The following NAV2 variants were observed in gnomAD, a reference collection of about 807,000 sequenced individuals.
NAV2 encodes the protein neuron navigator 2.
A neutral mutation model predicts 223.2 loss-of-function variants in NAV2; 54 were observed. The ratio of observed to expected loss-of-function variants is 0.24; its 90% CI spans 0.19 to 0.30. The LOEUF (loss-of-function observed/expected upper bound fraction) is 0.30, where lower values mean the gene tolerates loss of function less well. NAV2 is among the 10% of genes least tolerant of loss of function. NAV2 has a pLI of 1.00. For missense variants in NAV2, 2,806 were observed against 3,147.5 expected, an observed-to-expected ratio of 0.89 and a Z score of 2.60; for synonymous variants, 1,279 against 1,239.3, an observed-to-expected ratio of 1.03 and a Z score of -0.67.
chr11:19,929,611 A>T (rs1480258348), intron 6 of NAV2, among the ~76,000 whole-genome samples: 1 of 152,174 alleles, frequency 6.6e-6, no homozygotes, highest in African/African-American at 2.4e-5. Context: ...CCCAGACTAA[A>T]TACTACATAG....
chr11:19,577,371 C>T (rs2045599150), intron 1 of NAV2, among the ~76,000 whole-genome samples: 1 of 152,238 alleles, frequency 6.6e-6, no homozygotes, highest in South Asian at 2.1e-4. Flanking sequence ...TGCCCCTTCA[C>T]TTTTCTAAGG....
At chr11:19,492,078 A>C (rs974462851) in intron 1 of NAV2, among the ~76,000 whole-genome samples, 1 of 152,204 alleles carries the variant, frequency 6.6e-6, no homozygotes, top group Non-Finnish European at 1.5e-5. Flanking sequence ...TCTTGGGCAC[A>C]GTTTGTGGTA....
intron 10 of NAV2, among the ~76,000 whole-genome samples, chr11:19,971,441 A>C (rs1006687932): frequency 4.6e-5 from 7 of 152,230 alleles, no homozygotes; most frequent in Non-Finnish European, 8.8e-5. Flanking sequence ...GGGTATAAAA[A>C]AGCCTTTTTA....
chr11:19,717,197 C>A (rs1036242841), intron 1 of NAV2, among the ~76,000 whole-genome samples: 1 of 152,228 alleles, frequency 6.6e-6, no homozygotes, highest in Non-Finnish European at 1.5e-5. Context: ...TTGAGGCCTG[C>A]GGTCTTCCCA....
At chr11:20,036,601 G>A (rs1320648458) in intron 12 of NAV2, among the ~76,000 whole-genome samples, 5 of 152,152 alleles carry the variant, frequency 3.3e-5, no homozygotes, top group Non-Finnish European at 5.9e-5. Context: ...TTCCCCTGCT[G>A]ACGTGTTTTA....
chr11:19,663,220 A>C (rs1334490884), intron 1 of NAV2, among the ~76,000 whole-genome samples: 1 of 152,202 alleles, frequency 6.6e-6, no homozygotes, highest in Non-Finnish European at 1.5e-5. Context: ...TTAGAAATGC[A>C]TGTAATTTCA....
Position 20,054,171 on chromosome 11 carries a change from A to G in NAV2, c.4573A>G (p.Asn1525Asp). The change falls in exon 18 of 38, where the codon AAT (asparagine) becomes GAT (aspartate). Residue 1525 changes from asparagine to aspartate, a missense_variant. Asn to Asp is a conservative substitution (Grantham distance 23, BLOSUM62 1). Coordinates refer to ENST00000349880, the MANE Select transcript of NAV2 (RefSeq NM_145117.5). ...SAGGLQDTAA[N>D]SPFSSGSSVT... is the part of the protein sequence containing the mutation. ...AGGAGGCCTTCAGGACACCGCTGCC[A>G]ATTCCCCCTTTTCCTCTGGCTCCAG... 1 of 1,613,750 alleles carries G rather than the reference A, an allele frequency of 6.2e-7. No homozygotes were observed. Among genetic ancestry groups the G allele is most frequent in the Non-Finnish European group, 8.5e-7 (1 of 1,179,972 alleles).
chr11:19,563,069 A>G (rs1005601402), intron 1 of NAV2, among the ~76,000 whole-genome samples: 15 of 152,222 alleles, frequency 9.9e-5, no homozygotes, highest in Non-Finnish European at 1.3e-4. Context: ...GGGACACTGG[A>G]TAGCTCAGTT....
At chr11:20,057,415 C>T (rs965702488) in intron 19 of NAV2, among the ~76,000 whole-genome samples, 1 of 152,038 alleles carries the variant, frequency 6.6e-6, no homozygotes, top group Non-Finnish European at 1.5e-5. Context: ...GTCTGTAAAT[C>T]CATATATGGG....
At chr11:19,914,298 C>G (rs2043584367) in intron 6 of NAV2, among the ~76,000 whole-genome samples, 1 of 152,188 alleles carries the variant, frequency 6.6e-6, no homozygotes, top group Admixed American at 6.5e-5. Context: ...AAGGTGGTGT[C>G]ACATTACTGT....
chr11:19,885,377 T>C (rs1440158986), intron 5 of NAV2, among the ~76,000 whole-genome samples: 1 of 152,220 alleles, frequency 6.6e-6, no homozygotes, highest in Admixed American at 6.5e-5. Flanking sequence ...CTGTGGTTGT[T>C]GAGGCTGCTT....
At chr11:19,458,463 T>G (rs1852037683) in intron 1 of NAV2, among the ~76,000 whole-genome samples, 1 of 152,224 alleles carries the variant, frequency 6.6e-6, no homozygotes, top group Admixed American at 6.5e-5. Context: ...CCTTGGGAAA[T>G]TGCCCAGGAC....
intron 1 of NAV2, among the ~76,000 whole-genome samples, chr11:19,578,018 T>C (rs1356254932): frequency 1.3e-5 from 2 of 152,220 alleles, no homozygotes; most frequent in African/African-American, 2.4e-5. Flanking sequence ...CATTTTCTGC[T>C]TCCAAACACA....
intron 1 of NAV2, among the ~76,000 whole-genome samples, chr11:19,449,544 G>A (rs901574): frequency 0.29 from 41,144 of 142,024 alleles, 6,008 homozygotes; most frequent in Middle Eastern, 0.37. Flanking sequence ...GGCAGGGACC[G>A]CCACCTCCCA....
chr11:19,786,505 T>G (rs1033595040), intron 1 of NAV2, among the ~76,000 whole-genome samples: 1 of 152,242 alleles, frequency 6.6e-6, no homozygotes, highest in Non-Finnish European at 1.5e-5. Context: ...TTGTTTACTG[T>G]AAGGTCATTG....
At chr11:20,077,661 C>G in intron 23 of NAV2, 26 bp downstream of exon 23, 2 of 1,566,404 alleles carry the variant, frequency 1.3e-6, no homozygotes, top group Non-Finnish European at 1.8e-6. Context: ...TACTTTAACC[C>G]TCCCTACTTG....
chr11:19,919,072 G>GAA, intron 6 of NAV2, among the ~76,000 whole-genome samples: 1 of 152,098 alleles, frequency 6.6e-6, no homozygotes, highest in East Asian at 1.9e-4. Context: ...GGTGATTGGA[G>GAA]AAAAAAACAT....
upstream of NAV2, among the ~76,000 whole-genome samples, chr11:19,712,833 G>C (rs764641740): frequency 3.9e-4 from 59 of 151,528 alleles, no homozygotes; most frequent in African/African-American, 1.4e-3. Flanking sequence ...GCCGGCAGCA[G>C]CCTGTCCTCC....
At chr11:19,350,487 A>G (rs1433170719), upstream of NAV2, among the ~76,000 whole-genome samples, 1 of 152,222 alleles carries the variant, frequency 6.6e-6, no homozygotes, top group Non-Finnish European at 1.5e-5. Context: ...GCAGTGATTT[A>G]TGGGAGTCAG....
Sources: allele counts gnomAD v4.1 joint callset (sites outside exome capture counted in the v4.1 genomes callset), GRCh38; gene constraint gnomAD v4.1.1; transcripts MANE v1.5; gene names NCBI Gene and HGNC (gene_info 2026-07-23, HGNC 2026-07-21).